Variants in UGT2A1 observed in about 807,000 individuals in gnomAD.
UGT2A1 encodes UDP-glucuronosyltransferase 2A1.
Under a neutral mutation model 45.4 loss-of-function variants are expected in UGT2A1, and 61 were observed. That is an observed-to-expected ratio of 1.34 (90% CI 1.09 to 1.66). UGT2A1 has a LOEUF of 1.66. UGT2A1 is among the 40% of genes most tolerant of loss of function. UGT2A1 has a pLI of 0.00. For synonymous variants in UGT2A1, 229 were observed against 196.2 expected (o/e 1.17, Z -1.40); for missense variants, 649 against 574.3 (o/e 1.13, Z -1.33).
intron 3 of UGT2A1, among the ~76,000 whole-genome samples, chr4:69,629,294 G>C (rs1423692278): frequency 6.6e-6 from 1 of 151,974 alleles, no homozygotes; most frequent in Non-Finnish European, 1.5e-5. Context: ...ACTGCAAAGT[G>C]TTTACTTTGC....
At chr4:69,598,695 T>A (rs3822178) in intron 4 of UGT2A1, among the ~76,000 whole-genome samples, 59,218 of 151,814 alleles carry the variant, frequency 0.39, 11,817 homozygotes, top group East Asian at 0.56. Flanking sequence ...AACTCACCAT[T>A]GTCAACTCAA....
At chr4:69,594,722 G>C (rs770413886) in intron 5 of UGT2A1, 26 bp from the exon 6 acceptor site, 1 of 1,600,272 alleles carries the variant, frequency 6.2e-7, no homozygotes, top group Non-Finnish European at 8.5e-7. Context: ...AGTGAGAAGT[G>C]GGTGTGTAAT....
chr4:69,603,848 G>C (rs1048076747), intron 3 of UGT2A1, among the ~76,000 whole-genome samples: 3 of 135,748 alleles, frequency 2.2e-5, no homozygotes, highest in Non-Finnish European at 3.1e-5. Context: ...GAAATGAAGC[G>C]AGAAGAGAAG....
intron 2 of UGT2A1, among the ~76,000 whole-genome samples, chr4:69,643,415 C>A (rs967290532): frequency 2.6e-5 from 4 of 151,498 alleles, no homozygotes; most frequent in Non-Finnish European, 4.4e-5. Flanking sequence ...CATTTGAATA[C>A]TATTTTCTCA....
In UGT2A1 at chr4:69,589,339, TTAAAAA is replaced by T; in HGVS notation, c.*27_*32del. ...TACACTACTCAGGATTTTGCCAAACTTAAAAATATATATATTTCCTCTTTTTCTTGA... is the reference window on the plus strand; with the variant it reads ...TACACTACTCAGGATTTTGCCAAACTTATATATATTTCCTCTTTTTCTTGA... On this transcript the variant is annotated 3_prime_UTR_variant, in exon 7 of 7. Coordinates refer to ENST00000286604, the MANE Select transcript of UGT2A1 (RefSeq NM_001252275.3). The T allele has an allele frequency of 6.4e-7, 1 of 1,558,166 alleles. No homozygotes were observed. Among genetic ancestry groups the T allele is most frequent in the Non-Finnish European group, 8.7e-7 (1 of 1,153,516 alleles).
intron 3 of UGT2A1, among the ~76,000 whole-genome samples, chr4:69,600,813 A>AT (rs1395525038): frequency 6.6e-6 from 1 of 151,794 alleles, no homozygotes; most frequent in East Asian, 2.0e-4. Flanking sequence ...TACACTTAAA[A>AT]AAAAAAACAG....
At chr4:69,629,062 C>T (rs1235274742) in intron 3 of UGT2A1, among the ~76,000 whole-genome samples, 1 of 151,784 alleles carries the variant, frequency 6.6e-6, no homozygotes, top group Non-Finnish European at 1.5e-5. Context: ...TTTGTCATTT[C>T]CCCAGTACCA....
chr4:69,634,045 A>C (rs1301732542), intron 3 of UGT2A1, among the ~76,000 whole-genome samples: 1 of 152,038 alleles, frequency 6.6e-6, no homozygotes, highest in Non-Finnish European at 1.5e-5. Context: ...GGAGATCGAG[A>C]CCATCCTGGC....
chr4:69,607,924 G>A (rs1719758100), intron 3 of UGT2A1, among the ~76,000 whole-genome samples: 1 of 152,152 alleles, frequency 6.6e-6, no homozygotes, highest in South Asian at 2.1e-4. Context: ...GAAACAACAG[G>A]TGCTGGAGAG....
intron 2 of UGT2A1, among the ~76,000 whole-genome samples, chr4:69,637,928 CAGGA>C (rs989226820): frequency 6.8e-5 from 8 of 117,078 alleles, no homozygotes; most frequent in South Asian, 2.6e-4. Context: ...GGCAGGCAGG[CAGGA>C]AGGAAGGAAG....
chr4:69,611,252 C>T (rs559151699), intron 3 of UGT2A1, among the ~76,000 whole-genome samples: 13 of 116,232 alleles, frequency 1.1e-4, no homozygotes, highest in East Asian at 9.4e-4. Flanking sequence ...TTCAAGCAAT[C>T]CTCCTACCTC....
intron 2 of UGT2A1, chr4:69,639,090 G>A (rs760361931): frequency 1.9e-6 from 3 of 1,613,390 alleles, no homozygotes; most frequent in South Asian, 1.1e-5. Context: ...TGTTGATGCT[G>A]GAGAGAACCT....
rs558804884 is a variant in UGT2A1 at position 69,605,491 on chromosome 4, C to T, written c.848-6097G>A. Among the ~76,000 whole-genome samples, 41 of 136,258 alleles carry T rather than the reference C, an allele frequency of 3.0e-4. 8 individuals are homozygous for T. Among genetic ancestry groups the T allele is most frequent in the African/African-American group, 1.1e-3 (36 of 33,564 alleles). The allele number at this position is 136,258 out of a possible 152,430, so 89.4% of individuals were successfully genotyped here. Reference sequence around the variant, plus strand: ...GCAGGAAAGATCTAAAATTGACACCCCAACATCACAATTGAAAGAACTAGA... The same window carrying T: ...GCAGGAAAGATCTAAAATTGACACCTCAACATCACAATTGAAAGAACTAGA... On this transcript the variant is annotated intron_variant, in intron 3 of 6. Coordinates refer to ENST00000286604, the MANE Select transcript of UGT2A1 (RefSeq NM_001252275.3).
Position 69,603,682 on chromosome 4 carries a change from G to A in UGT2A1, c.848-4288C>T, listed in dbSNP as rs1036777643. 3 of 135,722 alleles carry A rather than the reference G, an allele frequency of 2.2e-5. 1 individual carries two copies. Among genetic ancestry groups the A allele is most frequent in the Admixed American group, 2.2e-4 (3 of 13,768 alleles). The allele number at this position is 135,722 out of a possible 1,614,324, so 8.4% of individuals were successfully genotyped here. A position where few individuals can be genotyped will look rare whatever the true frequency, so the allele number is the denominator to read the frequency against. On this transcript the variant is annotated intron_variant, in intron 3 of 6. Transcript: ENST00000286604. ...TAAAAACCTTGAAAAAAAATTAGAC[G>A]AATGGCTAACTAGAATCACCAATGA...
At chr4:69,594,059 C>T (rs1465955177) in intron 6 of UGT2A1, among the ~76,000 whole-genome samples, 2 of 150,686 alleles carry the variant, frequency 1.3e-5, no homozygotes, top group Non-Finnish European at 3.0e-5. Context: ...ACTGCAACCT[C>T]CACCTCCCGG....
Position 69,602,160 on chromosome 4 carries a change from T to G in UGT2A1, c.848-2766A>C, listed in dbSNP as rs368260450. On this transcript the variant is annotated intron_variant, in intron 3 of 6. Coordinates refer to ENST00000286604, the MANE Select transcript of UGT2A1 (RefSeq NM_001252275.3). ...TGATAGCTTAAAACTGAAAAGTAGA[T>G]AAGTTCACCTTATTAGAAGGTAAAA... Among the ~76,000 whole-genome samples, 125 of 135,588 alleles carry G rather than the reference T, an allele frequency of 9.2e-4. 26 individuals carry two copies. The highest frequency in any genetic ancestry group is 3.6e-3 in the African/African-American group (121 of 33,468). 89.0% of individuals were successfully genotyped at this position (135,588 alleles called of 152,430 possible).
At chr4:69,611,614 G>T (rs536928535) in intron 3 of UGT2A1, among the ~76,000 whole-genome samples, 1 of 152,136 alleles carries the variant, frequency 6.6e-6, no homozygotes, top group East Asian at 1.9e-4. Context: ...GAAAACGAAG[G>T]TCTAACAGGG....
chr4:69,624,642 G>A (rs1338177893), intron 3 of UGT2A1, among the ~76,000 whole-genome samples: 1 of 149,914 alleles, frequency 6.7e-6, no homozygotes, highest in Non-Finnish European at 1.5e-5. Context: ...CCTTTGTTGT[G>A]GTTGTGTGTA....
intron 2 of UGT2A1, chr4:69,639,176 C>T (rs1721904089): frequency 6.2e-7 from 1 of 1,613,700 alleles, no homozygotes; most frequent in Non-Finnish European, 8.5e-7. Flanking sequence ...CTGCTACCAA[C>T]ACATCAAAAC....
Sources: gnomAD v4.1 joint callset for allele counts (sites outside exome capture counted in the v4.1 genomes callset) on GRCh38, gnomAD v4.1.1 for gene constraint, MANE v1.5 for transcripts, NCBI Gene and HGNC (gene_info 2026-07-23, HGNC 2026-07-21) for gene names.